GLIS3: variants seen among roughly 807,000 people sequenced by gnomAD.
GLIS3 encodes the protein GLIS family zinc finger 3, also known as zinc finger protein GLIS3.
A neutral mutation model predicts 78.6 loss-of-function variants in GLIS3; 53 were observed. The ratio of observed to expected loss-of-function variants is 0.67; its 90% confidence interval spans 0.54 to 0.85. The LOEUF (loss-of-function observed/expected upper bound fraction) is 0.85. Ranked by LOEUF, GLIS3 falls within the 40% of genes least tolerant of loss-of-function variation. The probability of loss-of-function intolerance (pLI) is 0.00; values close to 1 mark genes in which losing one functional copy is unlikely to be tolerated. For synonymous variants in GLIS3, 684 were observed against 509.9 expected (o/e 1.34, Z -4.60); for missense variants, 1,703 against 1,231.1 (o/e 1.38, Z -5.74).
At position 3,906,528 on chromosome 9, in the gene GLIS3, C is replaced by A. The variant is rs575614516; in HGVS notation, c.1984-7693G>T. 2.0e-5 allele frequency among the ~76,000 whole-genome samples: 3 copies of A among 152,214 alleles called. No homozygotes were observed. In the South Asian group the frequency reaches 6.2e-4, roughly 32 times the overall value. Reference sequence around the variant, plus strand: ...AAGGAGCAGGTTGGAGGTAAATCAGCAATTTGGTTTTGAATGTGTTAACAC... The same window carrying A: ...AAGGAGCAGGTTGGAGGTAAATCAGAAATTTGGTTTTGAATGTGTTAACAC... On this transcript the variant is annotated intron_variant, in intron 6 of 10. Coordinates refer to ENST00000381971, the MANE Select transcript of GLIS3 (RefSeq NM_001042413.2).
chr9:4,135,887 A>C (rs577655805), intron 2 of GLIS3, among the ~76,000 whole-genome samples: 2 of 152,308 alleles, frequency 1.3e-5, no homozygotes, highest in South Asian at 4.1e-4. Context: ...CTGCATACCA[A>C]ACACCCTAGG....
the GLIS3 span, among the ~76,000 whole-genome samples, chr9:4,373,840 G>T: frequency 6.6e-6 from 1 of 151,900 alleles, no homozygotes; most frequent in Non-Finnish European, 1.5e-5. Flanking sequence ...GTTAATTTTT[G>T]TATTTTTAGT....
the GLIS3 span, among the ~76,000 whole-genome samples, chr9:4,406,066 C>T: frequency 3.9e-5 from 6 of 152,216 alleles, no homozygotes; most frequent in Middle Eastern, 3.4e-3. Context: ...GAACATACCT[C>T]AACATAATAA....
At chr9:4,004,648 C>T (rs1380353786) in intron 4 of GLIS3, among the ~76,000 whole-genome samples, 1 of 152,180 alleles carries the variant, frequency 6.6e-6, no homozygotes, top group Admixed American at 6.5e-5. Flanking sequence ...CTGAGCAGCT[C>T]TCTTGGTTTA....
At chr9:4,262,601 A>C (rs554504735) in intron 2 of GLIS3, among the ~76,000 whole-genome samples, 2 of 152,172 alleles carry the variant, frequency 1.3e-5, no homozygotes, top group Non-Finnish European at 2.9e-5. Context: ...CTTAGTAACT[A>C]TTTGAAAAGA....
intron 2 of GLIS3, among the ~76,000 whole-genome samples, chr9:4,253,246 G>A (rs1022450755): frequency 6.6e-6 from 1 of 152,244 alleles, no homozygotes; most frequent in Non-Finnish European, 1.5e-5. Context: ...CTGTCCCAGG[G>A]AGATGGGAGT....
intron 6 of GLIS3, among the ~76,000 whole-genome samples, chr9:3,930,949 G>A (rs1161035813): frequency 6.6e-6 from 1 of 152,156 alleles, no homozygotes; most frequent in Admixed American, 6.5e-5. Flanking sequence ...CAAAAAGGGT[G>A]TGTTATTTTA....
chr9:4,108,525 A>G (rs1196845060), intron 4 of GLIS3, among the ~76,000 whole-genome samples: 2 of 152,008 alleles, frequency 1.3e-5, no homozygotes, highest in Non-Finnish European at 2.9e-5. Context: ...TGTTCTCCCA[A>G]CCCCAAATCC....
chr9:4,331,953 G>A (rs934679321), intron 2 of GLIS3, among the ~76,000 whole-genome samples: 6 of 152,176 alleles, frequency 3.9e-5, no homozygotes, highest in African/African-American at 1.4e-4. Flanking sequence ...AAGATACCAG[G>A]GAGACTAAAG....
chr9:3,917,975 T>C (rs771447041), intron 6 of GLIS3, among the ~76,000 whole-genome samples: 1 of 152,140 alleles, frequency 6.6e-6, no homozygotes, highest in Non-Finnish European at 1.5e-5. Context: ...AGAAGGCTAG[T>C]GCTAAGAATA....
At chr9:4,382,503 T>A in the GLIS3 span, among the ~76,000 whole-genome samples, 1 of 152,190 alleles carries the variant, frequency 6.6e-6, no homozygotes, top group East Asian at 1.9e-4. Flanking sequence ...CACACAAACA[T>A]CATCTTGCTT....
chr9:3,942,369 G>A (rs539173194), intron 4 of GLIS3, among the ~76,000 whole-genome samples: 85 of 152,212 alleles, frequency 5.6e-4, no homozygotes, highest in Non-Finnish European at 8.4e-4. Context: ...ACTGACTGAC[G>A]AAGTATATGC....
chr9:4,277,600 C>G (rs1827148166), intron 2 of GLIS3, among the ~76,000 whole-genome samples: 1 of 152,078 alleles, frequency 6.6e-6, no homozygotes, highest in Non-Finnish European at 1.5e-5. Flanking sequence ...ATGAATAACC[C>G]ACAAACGCTA....
At position 3,962,897 on chromosome 9, in the gene GLIS3, T is replaced by C. The variant is rs570456557; in HGVS notation, c.1711-25708A>G. Among the ~76,000 whole-genome samples, 11 of 150,498 alleles carry C rather than the reference T, an allele frequency of 7.3e-5. No homozygotes were observed. The South Asian group carries it at 2.0e-3, about 27-fold the overall frequency. On this transcript the variant is annotated intron_variant, in intron 4 of 10. Coordinates refer to ENST00000381971, the MANE Select transcript of GLIS3 (RefSeq NM_001042413.2). Reference sequence around the variant, plus strand: ...TTGGCAGCCAAGATCTGGATGTGAATTTTAAGTTGTTTTCTCCCCAAATGT... The same window carrying C: ...TTGGCAGCCAAGATCTGGATGTGAACTTTAAGTTGTTTTCTCCCCAAATGT...
intron 4 of GLIS3, among the ~76,000 whole-genome samples, chr9:4,083,260 C>A (rs929679643): frequency 6.6e-6 from 1 of 152,076 alleles, no homozygotes; most frequent in Non-Finnish European, 1.5e-5. Context: ...ATTTGGGCAG[C>A]AATAGAGCAC....
intron 2 of GLIS3, among the ~76,000 whole-genome samples, chr9:4,243,638 T>C (rs141650865): frequency 3.3e-4 from 51 of 152,346 alleles, no homozygotes; most frequent in East Asian, 2.3e-3. Context: ...CATTTTCAAA[T>C]ATGTGAAGGG....
intron 9 of GLIS3, among the ~76,000 whole-genome samples, chr9:3,838,179 A>G (rs986138459): frequency 2.6e-5 from 4 of 152,196 alleles, no homozygotes; most frequent in Non-Finnish European, 4.4e-5. Context: ...TAATTATTGT[A>G]TCCATAGCAC....
chr9:4,191,122 C>G (rs1262231711), intron 2 of GLIS3, among the ~76,000 whole-genome samples: 1 of 150,636 alleles, frequency 6.6e-6, no homozygotes, highest in East Asian at 1.9e-4. Context: ...GAAACTGCAT[C>G]AACTAACGAG....
At chr9:4,292,839 G>C (rs1205826201) in intron 1 of GLIS3, among the ~76,000 whole-genome samples, 2 of 152,196 alleles carry the variant, frequency 1.3e-5, no homozygotes, top group Non-Finnish European at 2.9e-5. Context: ...TGAGAACTGA[G>C]TCTTTCAAAA....
Sources: gnomAD v4.1 joint callset for allele counts (sites outside exome capture counted in the v4.1 genomes callset) on GRCh38, gnomAD v4.1.1 for gene constraint, MANE v1.5 for transcripts, NCBI Gene and HGNC (gene_info 2026-07-23, HGNC 2026-07-21) for gene names.